The following GOLGA3 variants were observed in gnomAD, a reference collection of about 807,000 sequenced individuals.
GOLGA3 encodes golgin subfamily A member 3.
In GOLGA3, 75 loss-of-function variants were observed where a neutral mutation model predicts 169.4. The ratio of observed to expected loss-of-function variants is 0.44; its 90% CI spans 0.37 to 0.54. GOLGA3 has a LOEUF of 0.54. Among genes scored for constraint, GOLGA3 ranks in the 20% least tolerant of loss-of-function variants. The probability of loss-of-function intolerance (pLI) is 0.00; values close to 1 mark genes in which losing one functional copy is unlikely to be tolerated. For synonymous variants in GOLGA3, 824 were observed against 822.4 expected, an observed-to-expected ratio of 1.00 and a Z score of -0.03; for missense variants, 1,899 against 1,930.0, an observed-to-expected ratio of 0.98 and a Z score of 0.30.
chr12:132,788,017 G>C (rs1484034592), intron 13 of GOLGA3, among the ~76,000 whole-genome samples: 2 of 152,054 alleles, frequency 1.3e-5, no homozygotes, highest in Non-Finnish European at 2.9e-5. Flanking sequence ...TCCTGTGTGC[G>C]AGGCGAGTCC....
chr12:132,817,099 C>T lies in GOLGA3; in HGVS notation c.134-287G>A, dbSNP rs867533158. Reference sequence around the variant, plus strand: ...CGTGAACCCGCCCTCCACACCTCTACGCTCTAACGTGAACTCACCCTCCAC... The same window carrying T: ...CGTGAACCCGCCCTCCACACCTCTATGCTCTAACGTGAACTCACCCTCCAC... On this transcript the variant is annotated intron_variant, in intron 2 of 23. Coordinates refer to ENST00000450791, the MANE Select transcript of GOLGA3 (RefSeq NM_001389683.1). Among the ~76,000 whole-genome samples, 34 of 151,450 alleles carry T rather than the reference C, an allele frequency of 2.2e-4. 1 individual carries two copies. Among genetic ancestry groups the T allele is most frequent in the African/African-American group, 5.6e-4 (23 of 41,138 alleles).
rs535999692 is a variant in GOLGA3 at position 132,795,749 on chromosome 12, A to C, written c.2469+103T>G. On this transcript the variant is annotated intron_variant, in intron 11 of 23. Transcript: ENST00000450791. ...GCACTCCAGCCTGGGCAACACAGCG[A>C]GACTGTTTCAAAAAAAAAAGAAAGA... The C allele has an allele frequency of 7.1e-6, 9 of 1,275,554 alleles. No homozygotes were observed. The African/African-American group carries it at 1.3e-4, about 19-fold the overall frequency. 79.0% of individuals were successfully genotyped at this position (1,275,554 alleles called of 1,614,324 possible). A position where few individuals can be genotyped will look rare whatever the true frequency, so the allele number is the denominator to read the frequency against.
intron 11 of GOLGA3, among the ~76,000 whole-genome samples, chr12:132,794,548 C>T (rs543565458): frequency 3.2e-4 from 49 of 152,266 alleles, no homozygotes; most frequent in Non-Finnish European, 6.6e-4. Flanking sequence ...GGGAAAACAG[C>T]CCAACCCAGA....
chr12:132,804,691 A>G lies in GOLGA3; in HGVS notation c.1597+25T>C. ...GCAGCAGGGACCAGTCAGGGAGGGG[A>G]GGGCGTGGCCAGGGCCAGCCTCACC... On this transcript the variant is annotated intron_variant, in intron 7 of 23. Coordinates refer to ENST00000450791, the MANE Select transcript of GOLGA3 (RefSeq NM_001389683.1). This position sits in a 1 kb window ranked among gnomAD's most constrained non-coding sequence, Gnocchi z 4.1. 1 of 1,576,026 alleles carries G rather than the reference A, an allele frequency of 6.3e-7. No individual in the cohort carries two copies. Among genetic ancestry groups the G allele is most frequent in the Non-Finnish European group, 8.7e-7 (1 of 1,151,666 alleles).
At chr12:132,774,815 G>A (rs1389175367) in intron 22 of GOLGA3, 7 of 469,150 alleles carry the variant, frequency 1.5e-5, no homozygotes, top group South Asian at 4.4e-5. Context: ...GAAAACCGCC[G>A]GGCGCCTGGG....
intron 15 of GOLGA3, among the ~76,000 whole-genome samples, chr12:132,785,031 G>A (rs1252752129): frequency 1.3e-5 from 2 of 152,202 alleles, no homozygotes; most frequent in Non-Finnish European, 2.9e-5. Flanking sequence ...CCTTACATGA[G>A]AAGGTTCTCA....
chr12:132,818,406 C>A (rs1329841516), intron 2 of GOLGA3, among the ~76,000 whole-genome samples: 1 of 152,162 alleles, frequency 6.6e-6, no homozygotes, highest in East Asian at 1.9e-4. Context: ...ATTACAGGTG[C>A]CCACCACCAC....
chr12:132,808,593 A>C, intron 4 of GOLGA3, 44 bp from the exon 5 acceptor site: 3 of 1,474,330 alleles, frequency 2.0e-6, no homozygotes, highest in African/African-American at 1.4e-5. Flanking sequence ...TAAAATCCAC[A>C]AGCAGCATAC....
chr12:132,800,934 G>C (rs1369169552), intron 8 of GOLGA3, among the ~76,000 whole-genome samples: 1 of 152,216 alleles, frequency 6.6e-6, no homozygotes, highest in South Asian at 2.1e-4. Flanking sequence ...TCTCCAGCCT[G>C]GGTGACGGAG....
At chr12:132,828,746 G>T in intron 1 of GOLGA3, 57 bp downstream of exon 1, 1 of 106,344 alleles carries the variant, frequency 9.4e-6, no homozygotes, top group South Asian at 2.9e-4. Flanking sequence ...CACTGCGGGA[G>T]CGGGAGCGGG....
chr12:132,790,298 C>T (rs1020110056), intron 12 of GOLGA3, among the ~76,000 whole-genome samples: 1 of 152,140 alleles, frequency 6.6e-6, no homozygotes, highest in African/African-American at 2.4e-5. Context: ...CGCACCACTG[C>T]CCTCCAGCCT....
At chr12:132,821,658 T>TGC (rs1950219178) in intron 2 of GOLGA3, among the ~76,000 whole-genome samples, 1 of 151,408 alleles carries the variant, frequency 6.6e-6, no homozygotes, top group African/African-American at 2.4e-5. Flanking sequence ...ATCGAGACCA[T>TGC]CTTGGCTAAC....
rs964566946 is a variant in GOLGA3 at position 132,776,767 on chromosome 12, G to A, written c.3856-11C>T. 1 of 1,613,326 alleles carries A rather than the reference G, an allele frequency of 6.2e-7. No homozygotes were observed. Among genetic ancestry groups the A allele is most frequent in the African/African-American group, 1.3e-5 (1 of 74,926 alleles). ...TTTGAGATTTTCCATCTAAAGAGGG[G>A]AAAGTCACATGGCCAAAAGAATATT... On this transcript the variant is annotated splice_polypyrimidine_tract_variant and intron_variant, in intron 20 of 23. Transcript: ENST00000450791.
chr12:132,825,419 C>T (rs1010789511), intron 1 of GOLGA3, among the ~76,000 whole-genome samples: 5 of 152,226 alleles, frequency 3.3e-5, no homozygotes, highest in African/African-American at 9.6e-5. Flanking sequence ...GTCTGCCTCC[C>T]ACCACCTTGA....
rs1377412699 is a variant in GOLGA3 at position 132,801,866 on chromosome 12, C to G, written c.1701G>C (p.Glu567Asp). ...GCCGGACACTCTGCAGGGACGAGAT[C>G]TCCGCCTGCGACGCCTTCAGCTTGC... ...LTSKLKASQA[E>D]ISSLQSVRQW... The change falls in exon 8 of 24, where the codon GAG (glutamate) becomes GAC (aspartate). Residue 567 changes from glutamate to aspartate, a missense_variant. Coordinates refer to ENST00000450791, the MANE Select transcript of GOLGA3 (RefSeq NM_001389683.1). The G allele has an allele frequency of 2.5e-6, 4 of 1,605,594 alleles. No homozygotes were observed. Among genetic ancestry groups the G allele is most frequent in the Non-Finnish European group, 3.4e-6 (4 of 1,179,970 alleles).
In GOLGA3 at chr12:132,816,636, G is replaced by T; in HGVS notation, c.310C>A (p.Leu104Ile). The T allele has an allele frequency of 6.2e-7, 1 of 1,614,138 alleles. No individual in the cohort carries two copies. Among genetic ancestry groups the T allele is most frequent in the South Asian group, 1.1e-5 (1 of 91,084 alleles). Residue 104 changes from leucine to isoleucine, a missense_variant, in exon 3 of 24, where the codon CTA becomes ATA. By Grantham distance (5) the Leu-to-Ile change is conservative. Transcript: ENST00000450791. Reference sequence around the variant, plus strand: ...GCACTAGTTCCCTGAGACTTCCTTAGGTTGTCATGGAAACCAGCCACACCT... The same window carrying T: ...GCACTAGTTCCCTGAGACTTCCTTATGTTGTCATGGAAACCAGCCACACCT... The part of the protein sequence containing the change: ...SPGVAGFHDN[L>I]RKSQGTSAEG...
chr12:132,797,810 G>A (rs1948928120), intron 9 of GOLGA3, among the ~76,000 whole-genome samples: 1 of 152,222 alleles, frequency 6.6e-6, no homozygotes, highest in East Asian at 1.9e-4. Flanking sequence ...TCTGTCCTCT[G>A]GAGATGGCTG....
At chr12:132,821,833 G>A (rs370701014) in intron 2 of GOLGA3, among the ~76,000 whole-genome samples, 163 bp downstream of exon 2, 8 of 122,678 alleles carry the variant, frequency 6.5e-5, no homozygotes, top group Admixed American at 1.9e-4. Context: ...CAGCCTGGGC[G>A]AAAGAGCGAG....
chr12:132,813,261 G>C (rs925027653), intron 4 of GOLGA3, 46 bp downstream of exon 4: 10 of 1,311,024 alleles, frequency 7.6e-6, no homozygotes, highest in Non-Finnish European at 1.1e-5. Flanking sequence ...AGTTGTCTCT[G>C]GCACAGGAAG....
Sources: gnomAD v4.1 joint callset for allele counts (sites outside exome capture counted in the v4.1 genomes callset) on GRCh38, gnomAD v4.1.1 for gene constraint, Gnocchi (gnomAD v3.1) non-coding constraint, MANE v1.5 for transcripts, NCBI Gene and HGNC (gene_info 2026-07-23, HGNC 2026-07-21) for gene names.